Variants in ARB2A observed in about 807,000 individuals in gnomAD.
ARB2A encodes ARB2 cotranscriptional regulator A, also known as cotranscriptional regulator ARB2A.
At chr5:93,928,869 G>C in the ARB2A span, among the ~76,000 whole-genome samples, 2 of 152,048 alleles carry the variant, frequency 1.3e-5, no homozygotes, top group African/African-American at 4.8e-5. Context: ...ACCAGCACGT[G>C]CACATATATT....
chr5:94,075,147 A>G, the ARB2A span, among the ~76,000 whole-genome samples: 2 of 152,216 alleles, frequency 1.3e-5, no homozygotes, highest in African/African-American at 4.8e-5. Flanking sequence ...AAAAACCTAA[A>G]ATTTCTTTTA....
the ARB2A span, among the ~76,000 whole-genome samples, chr5:93,890,629 T>C: frequency 1.1e-4 from 17 of 152,136 alleles, no homozygotes; most frequent in East Asian, 3.3e-3. Context: ...GAAGGGTTAA[T>C]GGGGATTTTA....
chr5:93,787,805 A>T, the ARB2A span, among the ~76,000 whole-genome samples: 1 of 152,240 alleles, frequency 6.6e-6, no homozygotes, highest in South Asian at 2.1e-4. Context: ...GGAATGTTGA[A>T]ATTCTAAAAT....
At chr5:93,683,212 TTCA>T in the ARB2A span, 19 of 1,352,670 alleles carry the variant, frequency 1.4e-5, 1 homozygote, top group African/African-American at 1.0e-4. Context: ...CATCATCCTC[TTCA>T]TCATCATCGT....
At chr5:93,715,245 G>A in the ARB2A span, among the ~76,000 whole-genome samples, 1 of 152,310 alleles carries the variant, frequency 6.6e-6, no homozygotes, top group Non-Finnish European at 1.5e-5. Context: ...TAGTACGTGA[G>A]TATTTAGCAC....
the ARB2A span, among the ~76,000 whole-genome samples, chr5:94,014,934 T>C: frequency 1.3e-5 from 2 of 148,500 alleles, no homozygotes; most frequent in African/African-American, 5.0e-5. Context: ...GGATTATTGG[T>C]GTTCAAGAGG....
chr5:93,984,979 A>G, the ARB2A span, among the ~76,000 whole-genome samples: 9 of 152,220 alleles, frequency 5.9e-5, no homozygotes, highest in Middle Eastern at 3.2e-3. Flanking sequence ...GTCCTCCTCC[A>G]TTGTATTCAC....
chr5:93,967,025 A>G, the ARB2A span, among the ~76,000 whole-genome samples: 238 of 152,234 alleles, frequency 1.6e-3, 1 homozygote, highest in African/African-American at 5.4e-3. Flanking sequence ...TAAAAAAAAA[A>G]AAACATTTTC....
chr5:94,066,938 TC>T, the ARB2A span, among the ~76,000 whole-genome samples: 3 of 152,190 alleles, frequency 2.0e-5, no homozygotes, highest in Admixed American at 1.3e-4. Flanking sequence ...GTAAAATTAC[TC>T]AATAAAATAA....
At chr5:93,627,931 C>G in the ARB2A span, among the ~76,000 whole-genome samples, 10 of 151,004 alleles carry the variant, frequency 6.6e-5, no homozygotes, top group Admixed American at 5.9e-4. Context: ...TTTTTTTTTT[C>G]TGAGCAGTAG....
chr5:93,660,957 A>C, the ARB2A span, among the ~76,000 whole-genome samples: 1 of 152,106 alleles, frequency 6.6e-6, no homozygotes, highest in African/African-American at 2.4e-5. Flanking sequence ...CTAGAGGGAG[A>C]GCTGGGTTTT....
chr5:93,662,668 T>C, the ARB2A span, among the ~76,000 whole-genome samples: 1 of 152,226 alleles, frequency 6.6e-6, no homozygotes, highest in African/African-American at 2.4e-5. Context: ...CCAGGAGCAC[T>C]GACAGGACAA....
the ARB2A span, among the ~76,000 whole-genome samples, chr5:93,811,313 T>C: frequency 2.6e-5 from 4 of 152,152 alleles, no homozygotes; most frequent in Non-Finnish European, 5.9e-5. Flanking sequence ...TCAAAACATA[T>C]TCAAAATTTA....
the ARB2A span, among the ~76,000 whole-genome samples, chr5:93,810,191 T>TTCC: frequency 6.6e-6 from 1 of 151,562 alleles, no homozygotes; most frequent in South Asian, 2.1e-4. Flanking sequence ...GTTGTGTAGG[T>TTCC]TTCGTTTTTT....
the ARB2A span, among the ~76,000 whole-genome samples, chr5:93,680,111 A>C: frequency 6.6e-6 from 1 of 152,124 alleles, no homozygotes; most frequent in Non-Finnish European, 1.5e-5. Flanking sequence ...TTACATAAGC[A>C]TACACATCGA....
chr5:93,683,133 T>C, the ARB2A span: 8 of 1,516,566 alleles, frequency 5.3e-6, no homozygotes, highest in Admixed American at 3.3e-5. Context: ...GTATCTCGTA[T>C]AGATTTCTTC....
the ARB2A span, among the ~76,000 whole-genome samples, chr5:93,919,265 T>TTTA: frequency 6.6e-6 from 1 of 152,096 alleles, no homozygotes; most frequent in Non-Finnish European, 1.5e-5. Flanking sequence ...ATTTCAAAAC[T>TTTA]TTTATAAAGA....
the ARB2A span, among the ~76,000 whole-genome samples, chr5:93,923,956 G>A: frequency 6.6e-6 from 1 of 152,132 alleles, no homozygotes; most frequent in African/African-American, 2.4e-5. Flanking sequence ...AATAAAATGG[G>A]AAGAGAGGGA....
chr5:93,983,230 T>TCC, the ARB2A span, among the ~76,000 whole-genome samples: 1 of 116,070 alleles, frequency 8.6e-6, no homozygotes. Flanking sequence ...TGTGTGTGTG[T>TCC]CCATGTCCAA....
Sources: allele counts gnomAD v4.1 joint callset (sites outside exome capture counted in the v4.1 genomes callset), GRCh38; gene constraint gnomAD v4.1.1; transcripts MANE v1.5; gene names NCBI Gene and HGNC (gene_info 2026-07-23, HGNC 2026-07-21).